The following DLC1 variants were observed in gnomAD, a reference collection of about 807,000 sequenced individuals.
DLC1 encodes DLC1 Rho GTPase activating protein, also known as rho GTPase-activating protein 7.
A neutral mutation model predicts 140.3 loss-of-function variants in DLC1; 54 were observed. The observed-to-expected ratio is 0.38, with a 90% CI of 0.31 to 0.48. The LOEUF is 0.48. DLC1 is among the 20% of genes least tolerant of loss of function. DLC1 has a pLI of 0.96. For missense variants in DLC1, 2,536 were observed against 1,907.0 expected (o/e 1.33, Z -6.14); for synonymous variants, 986 against 728.1 (o/e 1.35, Z -5.70).
chr8:13,104,638 G>A (rs989676599), intron 7 of DLC1, among the ~76,000 whole-genome samples: 3 of 152,144 alleles, frequency 2.0e-5, no homozygotes, highest in Non-Finnish European at 4.4e-5. Context: ...CCTGGGAACC[G>A]TGAGACCTCC....
At chr8:13,130,261 T>C (rs1447951903) in intron 5 of DLC1, among the ~76,000 whole-genome samples, 1 of 152,248 alleles carries the variant, frequency 6.6e-6, no homozygotes, top group African/African-American at 2.4e-5. Context: ...AAGCCTCTGA[T>C]TGGAAGGCAT....
In DLC1 at chr8:13,086,216, T is replaced by A. The variant is rs370580757; in HGVS notation, c.4466+74A>T. 20 of 1,540,330 alleles carry A rather than the reference T, an allele frequency of 1.3e-5. No individual in the cohort carries two copies. The African/African-American group carries it at 1.4e-4, about 11-fold the overall frequency. On this transcript the variant is annotated intron_variant, in intron 17 of 17. Coordinates refer to ENST00000276297, the MANE Select transcript of DLC1 (RefSeq NM_182643.3). ...AAAATGACGTGTTTGTTTAAGGCAT[T>A]CTTTGCATTAGACAAAAAGTCAGAA... is the stretch of plus-strand genomic sequence containing the variant.
At chr8:13,568,064 A>T (rs1804518286) in intron 1 of DLC1, 1 of 1,204,112 alleles carries the variant, frequency 8.3e-7, no homozygotes, top group East Asian at 2.6e-5. Context: ...AGGACTAAGA[A>T]CTTTCACTTT....
intron 4 of DLC1, among the ~76,000 whole-genome samples, chr8:13,312,594 CTA>C (rs1832722562): frequency 6.6e-6 from 1 of 151,780 alleles, no homozygotes; most frequent in Non-Finnish European, 1.5e-5. Flanking sequence ...ATGTCTTTCT[CTA>C]TGTTACTATT....
intron 5 of DLC1, among the ~76,000 whole-genome samples, chr8:13,238,960 G>A (rs1472006218): frequency 1.3e-5 from 2 of 152,158 alleles, no homozygotes; most frequent in East Asian, 3.9e-4. Flanking sequence ...CACAGTCCCT[G>A]GCGTCAGGGC....
chr8:13,366,222 G>A lies in DLC1; in HGVS notation c.1314+27331C>T, dbSNP rs1835473509. Among the ~76,000 whole-genome samples, 6 of 152,138 alleles carry A rather than the reference G, an allele frequency of 3.9e-5. No individual in the cohort carries two copies. The South Asian group carries it at 1.2e-3, about 32-fold the overall frequency. The stretch of plus-strand genomic sequence containing the variant: ...GCTGAAGGGGCAGTGAAAATAGTAG[G>A]GCTTCCTATTGTTCCTGCCAGGACA... On this transcript the variant is annotated intron_variant, in intron 4 of 17. Coordinates refer to ENST00000276297, the MANE Select transcript of DLC1 (RefSeq NM_182643.3).
At chr8:13,567,877 C>T in intron 1 of DLC1, 1 of 1,551,912 alleles carries the variant, frequency 6.4e-7, no homozygotes, top group Non-Finnish European at 8.7e-7. Context: ...TTGTCATTTA[C>T]CATTTTCTCT....
At chr8:13,557,133 T>A (rs1201497767) in intron 1 of DLC1, among the ~76,000 whole-genome samples, 5 of 152,224 alleles carry the variant, frequency 3.3e-5, no homozygotes, top group Non-Finnish European at 7.3e-5. Context: ...GGAATTTCAG[T>A]GGCTTAATCA....
chr8:13,265,614 G>A (rs959864813), intron 5 of DLC1, among the ~76,000 whole-genome samples: 6 of 152,016 alleles, frequency 3.9e-5, no homozygotes, highest in African/African-American at 1.2e-4. Flanking sequence ...GCATGAGGCC[G>A]TTTACCATCA....
At chr8:13,437,200 G>C (rs1183226947) in intron 2 of DLC1, among the ~76,000 whole-genome samples, 1 of 152,138 alleles carries the variant, frequency 6.6e-6, no homozygotes, top group Non-Finnish European at 1.5e-5. Context: ...TAGAAAACAG[G>C]CTCAGTTTCC....
intron 2 of DLC1, among the ~76,000 whole-genome samples, chr8:13,482,749 C>T (rs950517968): frequency 1.3e-5 from 2 of 152,168 alleles, no homozygotes; most frequent in Non-Finnish European, 2.9e-5. Context: ...ATTATTGTGA[C>T]ATAAGATCAT....
intron 1 of DLC1, among the ~76,000 whole-genome samples, chr8:13,600,489 G>T (rs1430953061): frequency 6.6e-6 from 1 of 151,744 alleles, no homozygotes; most frequent in East Asian, 1.9e-4. Context: ...ATAATGCAAC[G>T]TCAAAGACGT....
Position 13,144,116 on chromosome 8 carries a change from G to A in DLC1, c.1349-28459C>T, listed in dbSNP as rs576378787. Among the ~76,000 whole-genome samples, 74 of 152,274 alleles carry A rather than the reference G, an allele frequency of 4.9e-4. 1 individual carries two copies. The South Asian group carries it at 0.015, about 30-fold the overall frequency. ...AAAGAGACTTAGGACTGAATCAGTG[G>A]ACTAAGAAAGATCTCTCACCCAATT... On this transcript the variant is annotated intron_variant, in intron 5 of 17. Coordinates refer to ENST00000276297, the MANE Select transcript of DLC1 (RefSeq NM_182643.3).
chr8:13,086,598 G>T, intron 16 of DLC1, 135 bp from the exon 17 acceptor site: 5 of 926,710 alleles, frequency 5.4e-6, no homozygotes, highest in Non-Finnish European at 8.1e-6. Flanking sequence ...CCAGGCCTAG[G>T]TAAATGGCAT....
rs184109082 is a variant in DLC1, at chr8:13,185,274, G to A, written c.1349-69617C>T. On this transcript the variant is annotated intron_variant, in intron 5 of 17. Coordinates refer to ENST00000276297, the MANE Select transcript of DLC1 (RefSeq NM_182643.3). ...CTCTTTATCCAATTTGCCAGTCTGT[G>A]TCTTTTCTGTTTTTTTTGTTTGTTT... is the stretch of plus-strand genomic sequence containing the variant. 3.3e-3 allele frequency among the ~76,000 whole-genome samples: 347 copies of A among 106,126 alleles called. 1 individual carries two copies. The highest frequency in any genetic ancestry group is 0.011 in the African/African-American group (312 of 29,248). The allele number at this position is 106,126 out of a possible 152,430, so 69.6% of individuals were successfully genotyped here. A position where few individuals can be genotyped will look rare whatever the true frequency, so the allele number is the denominator to read the frequency against.
rs34321250 is a variant in DLC1 at position 13,141,256 on chromosome 8, CAAAAAAAAAAAA to C, written c.1349-25611_1349-25600del. ...GGTGACACAGTGCAAGAGTCTGTCTCAAAAAAAAAAAAAAAAAAAAAAAAAAAAGCCAGCTGC... is the reference window on the plus strand; with the variant it reads ...GGTGACACAGTGCAAGAGTCTGTCTCAAAAAAAAAAAAAAAAGCCAGCTGC... On this transcript the variant is annotated intron_variant, in intron 5 of 17. Transcript: ENST00000276297. Among the ~76,000 whole-genome samples the C allele has an allele frequency of 2.8e-4, 18 of 63,760 alleles. 1 individual carries two copies. Among genetic ancestry groups the C allele is most frequent in the Admixed American group, 4.6e-4 (2 of 4,330 alleles). 41.8% of individuals were successfully genotyped at this position (63,760 alleles called of 152,430 possible).
At chr8:13,407,831 T>C (rs962679376) in intron 2 of DLC1, among the ~76,000 whole-genome samples, 2 of 152,228 alleles carry the variant, frequency 1.3e-5, no homozygotes, top group Admixed American at 6.5e-5. Context: ...GCAAAAGACT[T>C]GGCTCAGTTT....
intron 5 of DLC1, among the ~76,000 whole-genome samples, chr8:13,177,112 T>TAA: frequency 6.6e-6 from 1 of 152,222 alleles, no homozygotes; most frequent in African/African-American, 2.4e-5. Flanking sequence ...TTTAAAATTT[T>TAA]AATTGTTTAT....
chr8:13,488,253 T>C (rs892403328), intron 2 of DLC1, among the ~76,000 whole-genome samples: 3 of 152,228 alleles, frequency 2.0e-5, no homozygotes, highest in African/African-American at 7.2e-5. Context: ...CCTAATATCA[T>C]TATTTCATAG....
Sources: allele counts gnomAD v4.1 joint callset (sites outside exome capture counted in the v4.1 genomes callset), GRCh38; gene constraint gnomAD v4.1.1; transcripts MANE v1.5; gene names NCBI Gene and HGNC (gene_info 2026-07-23, HGNC 2026-07-21).